RBM10: variants seen among roughly 807,000 people sequenced by gnomAD.
The protein encoded by RBM10 is RNA binding motif protein 10.
In RBM10, 1 loss-of-function variant was observed where a neutral mutation model predicts 84.9. That is an observed-to-expected ratio of 0.01 (90% confidence interval 0.00 to 0.06). The LOEUF (loss-of-function observed/expected upper bound fraction) is 0.06. Among genes scored for constraint, RBM10 ranks in the 10% least tolerant of loss-of-function variants. The pLI is 1.00. For missense variants in RBM10, 438 were observed against 839.0 expected (o/e 0.52, Z 5.90); for synonymous variants, 326 against 344.5 (o/e 0.95, Z 0.60).
chrX:47,179,488 C>G lies in RBM10; in HGVS notation c.894C>G (p.Ala298=), dbSNP rs2147169768. ...SQGSEPSSEN[A]NDTIILRNLN... is the part of the protein sequence containing the mutation. ...GCTCGGAGCCAAGCTCAGAGAACGC[C>G]AATGACAGTGAGTCAGTTGTTCCTT... The change falls in exon 9 of 24, where the codon GCC becomes GCG. Residue 298 remains alanine (A), a synonymous_variant. Transcript: ENST00000377604. The G allele has an allele frequency of 8.3e-7, 1 of 1,200,073 alleles. No individual in the cohort carries two copies. The highest frequency in any genetic ancestry group is 1.1e-6 in the Non-Finnish European group (1 of 894,259).
At chrX:47,172,890 T>TG (rs1934777034) in intron 4 of RBM10, among the ~76,000 whole-genome samples, 1 of 112,574 alleles carries the variant, frequency 8.9e-6, no homozygotes, top group African/African-American at 3.2e-5. Flanking sequence ...TGCTTTACCT[T>TG]GCTCTGTGCC....
At chrX:47,176,434 C>T (rs2147155450) in intron 6 of RBM10, 66 bp from the exon 7 acceptor site, 1 of 1,203,671 alleles carries the variant, frequency 8.3e-7, no homozygotes, top group East Asian at 3.0e-5. Flanking sequence ...ACTCTCTTCT[C>T]CTATGCTGAA....
Position 47,186,673 on chromosome X carries a change from T to C in RBM10, c.*74T>C. ...AGGGAAGGACAGAGTGTTGGATGGC[T>C]GGGACGGGGCCTTGCTCTTGTCGGC... On this transcript the variant is annotated 3_prime_UTR_variant, in exon 24 of 24. Transcript: ENST00000377604. 1 of 1,160,457 alleles carries C rather than the reference T, an allele frequency of 8.6e-7. No individual in the cohort carries two copies. Among genetic ancestry groups the C allele is most frequent in the Non-Finnish European group, 1.2e-6 (1 of 851,698 alleles).
intron 9 of RBM10, 142 bp downstream of exon 9, chrX:47,179,637 A>AGG (rs1935382234): frequency 2.5e-6 from 2 of 816,124 alleles, no homozygotes. Context: ...TAGGGAGAAC[A>AGG]GGGGGAGTGG....
chrX:47,181,719 C>A (rs781787577), intron 14 of RBM10, 30 bp from the exon 15 acceptor site: 1 of 1,210,177 alleles, frequency 8.3e-7, no homozygotes, highest in Admixed American at 2.2e-5. Flanking sequence ...AGACACTGAG[C>A]CCTGTTCTCC....
chrX:47,152,296 A>G (rs1336993395), intron 2 of RBM10, among the ~76,000 whole-genome samples: 1 of 111,427 alleles, frequency 9.0e-6, no homozygotes, highest in Non-Finnish European at 1.9e-5. Context: ...CATGGTATGT[A>G]TGTATATGTT....
At position 47,181,691 on chromosome X, in the gene RBM10, G is replaced by A. The variant is rs781863748; in HGVS notation, c.1575+45G>A. The A allele has an allele frequency of 1.0e-4, 122 of 1,206,585 alleles. No individual in the cohort carries two copies. Among genetic ancestry groups the A allele is most frequent in the Middle Eastern group, 6.9e-4 (3 of 4,370 alleles). ...ATGTATCCCGGGGAGGCAGGCAGGC[G>A]GCAGGGGTGGCATGGGCAGACACTG... On this transcript the variant is annotated intron_variant, in intron 14 of 23. Coordinates refer to ENST00000377604, the MANE Select transcript of RBM10 (RefSeq NM_005676.5).
chrX:47,145,251 C>G lies in RBM10; in HGVS notation c.-360C>G. 1 of 484,441 alleles carries G rather than the reference C, an allele frequency of 2.1e-6. No individual in the cohort carries two copies. The highest frequency in any genetic ancestry group is 3.0e-5 in the Admixed American group (1 of 33,844). 39.9% of individuals were successfully genotyped at this position (484,441 alleles called of 1,213,427 possible). ...GTGGATGGTGGTCGGAGCGCCGACT[C>G]CCTTCTCGTCGTCGCCATTTTGAGC... On this transcript the variant is annotated 5_prime_UTR_variant, in exon 1 of 24. Coordinates refer to ENST00000377604, the MANE Select transcript of RBM10 (RefSeq NM_005676.5).
At chrX:47,172,940 GA>G (rs1934779714) in intron 4 of RBM10, among the ~76,000 whole-genome samples, 187 bp from the exon 5 acceptor site, 1 of 112,460 alleles carries the variant, frequency 8.9e-6, no homozygotes, top group Non-Finnish European at 1.9e-5. Flanking sequence ...GTCTGGGGCT[GA>G]AAGTCAAGAC....
intron 6 of RBM10, among the ~76,000 whole-genome samples, chrX:47,175,760 C>T (rs1450803189): frequency 9.0e-6 from 1 of 111,177 alleles, no homozygotes; most frequent in East Asian, 2.9e-4. Context: ...GCACAGTCAG[C>T]CCTGGGGGGA....
At chrX:47,174,415 T>C (rs1934957113) in intron 5 of RBM10, among the ~76,000 whole-genome samples, 1 of 111,526 alleles carries the variant, frequency 9.0e-6, no homozygotes, top group Admixed American at 9.5e-5. Context: ...TCCCCTGCGC[T>C]GCGGTGAGGC....
In RBM10 at chrX:47,169,399, C is replaced by T. The variant is rs200208681; in HGVS notation, c.102C>T (p.His34=). 18 of 1,210,302 alleles carry T rather than the reference C, an allele frequency of 1.5e-5. No individual in the cohort carries two copies. The highest frequency in any genetic ancestry group is 4.6e-4 in the Middle Eastern group (2 of 4,346). Residue 34 remains histidine (H), a synonymous_variant, in exon 3 of 24, where the codon CAC becomes CAT. Transcript: ENST00000377604. ...GTGGGGAGAACCGCAGCCGAGACCACGACTACCGGGACATGGACTACCGTT... is the reference window on the plus strand; with the variant it reads ...GTGGGGAGAACCGCAGCCGAGACCATGACTACCGGGACATGGACTACCGTT... ...DDGGENRSRD[H]DYRDMDYRSY...
At chrX:47,176,608 G>T in intron 7 of RBM10, 22 bp downstream of exon 7, 2 of 1,210,122 alleles carry the variant, frequency 1.7e-6, no homozygotes, top group Non-Finnish European at 2.2e-6. Flanking sequence ...GTGGGCAGCA[G>T]TTGTCATGGA....
At chrX:47,168,011 G>A (rs1268532731) in intron 2 of RBM10, among the ~76,000 whole-genome samples, 6 of 111,985 alleles carry the variant, frequency 5.4e-5, no homozygotes, top group African/African-American at 9.7e-5. Flanking sequence ...TGTTGATAAC[G>A]GACATTCTAA....
rs190398066 is a variant in RBM10, at chrX:47,186,511, G to A, written c.2705G>A (p.Arg902Gln). 1 of 1,209,323 alleles carries A rather than the reference G, an allele frequency of 8.3e-7. No homozygotes were observed. The highest frequency in any genetic ancestry group is 1.1e-6 in the Non-Finnish European group (1 of 894,469). Residue 902 changes from arginine to glutamine, a missense_variant, in exon 24 of 24, where the codon CGG (arginine) becomes CAG (glutamine). Around this residue, in one of 8 missense-constraint regions of RBM10, gnomAD observed 92 missense variants for 199.9 expected, o/e 0.46. Coordinates refer to ENST00000377604, the MANE Select transcript of RBM10 (RefSeq NM_005676.5). The stretch of plus-strand genomic sequence containing the variant: ...GTGCGGGGCTCCGGCCTGGGTGCAC[G>A]GGGCAGCTCCTACGGGGTCACCTCA... ...TRVRGSGLGARGSSYGVTSTE... is the reference protein window; with the variant it reads ...TRVRGSGLGAQGSSYGVTSTE...
chrX:47,154,847 C>T (rs782309247), intron 2 of RBM10, among the ~76,000 whole-genome samples: 7 of 109,250 alleles, frequency 6.4e-5, no homozygotes, highest in East Asian at 2.9e-4. Context: ...TAGGCATTTA[C>T]GGTAGGGAAA....
chrX:47,186,698 C>A lies in RBM10; in HGVS notation c.*99C>A. Reference sequence around the variant, plus strand: ...TGGGACGGGGCCTTGCTCTTGTCGGCCAGCCCACTCCCCAGCCAGAGAGGG... The same window carrying A: ...TGGGACGGGGCCTTGCTCTTGTCGGACAGCCCACTCCCCAGCCAGAGAGGG... On this transcript the variant is annotated 3_prime_UTR_variant, in exon 24 of 24. Transcript: ENST00000377604. 9.6e-7 allele frequency: 1 copy of A among 1,041,640 alleles called. No individual in the cohort carries two copies. Among genetic ancestry groups the A allele is most frequent in the South Asian group, 1.9e-5 (1 of 51,282 alleles). 85.8% of individuals were successfully genotyped at this position (1,041,640 alleles called of 1,213,427 possible). A position where few individuals can be genotyped will look rare whatever the true frequency, so the allele number is the denominator to read the frequency against.
At chrX:47,153,620 C>T (rs1348251024) in intron 2 of RBM10, among the ~76,000 whole-genome samples, 2 of 112,183 alleles carry the variant, frequency 1.8e-5, no homozygotes, top group Admixed American at 1.9e-4. Context: ...AGGATATCTA[C>T]ACCTGTATTT....
chrX:47,162,092 T>G (rs1174225125), intron 2 of RBM10, among the ~76,000 whole-genome samples: 3 of 111,775 alleles, frequency 2.7e-5, no homozygotes, highest in African/African-American at 9.7e-5. Context: ...CCGCCTGCCT[T>G]GGCCTCCCAC....
Sources: allele counts gnomAD v4.1 joint callset (sites outside exome capture counted in the v4.1 genomes callset), GRCh38; gene constraint gnomAD v4.1.1; regional missense constraint gnomAD v4.1.1; transcripts MANE v1.5; gene names NCBI Gene and HGNC (gene_info 2026-07-23, HGNC 2026-07-21).